The following TSGA10 variants were observed in gnomAD, a reference collection of about 807,000 sequenced individuals.
TSGA10 encodes testis-specific gene 10 protein.
A neutral mutation model predicts 96.6 loss-of-function variants in TSGA10; 43 were observed. The observed-to-expected ratio is 0.44, with a 90% CI of 0.35 to 0.57. The LOEUF is 0.57. TSGA10 is among the 20% of genes least tolerant of loss of function. The pLI is 0.01. For missense variants in TSGA10, 703 were observed against 834.4 expected (o/e 0.84, Z 1.94); for synonymous variants, 229 against 269.9 (o/e 0.85, Z 1.48).
chr2:99,043,864 G>A (rs1202638037), intron 16 of TSGA10, among the ~76,000 whole-genome samples: 1 of 152,126 alleles, frequency 6.6e-6, no homozygotes, highest in African/African-American at 2.4e-5. Context: ...GAAGAGAGTG[G>A]GAGCCAATAT....
At chr2:99,019,517 G>A (rs888005467) in intron 18 of TSGA10, among the ~76,000 whole-genome samples, 13 of 152,138 alleles carry the variant, frequency 8.5e-5, no homozygotes, top group African/African-American at 3.1e-4. Context: ...ACTGGCCCTG[G>A]CTCTGAAGCC....
chr2:99,040,919 A>T (rs532867545), intron 16 of TSGA10, among the ~76,000 whole-genome samples: 2 of 152,320 alleles, frequency 1.3e-5, no homozygotes, highest in African/African-American at 2.4e-5. Flanking sequence ...CCTATCAACT[A>T]TTAGTTCTTA....
chr2:99,081,233 T>C, intron 11 of TSGA10, 49 bp downstream of exon 11: 1 of 1,085,064 alleles, frequency 9.2e-7, no homozygotes, highest in Non-Finnish European at 1.3e-6. Flanking sequence ...ACATCTTTGC[T>C]ACCAAACTTA....
intron 4 of TSGA10, among the ~76,000 whole-genome samples, chr2:99,116,484 A>G (rs2104905709): frequency 6.6e-6 from 1 of 152,344 alleles, no homozygotes; most frequent in Non-Finnish European, 1.5e-5. Context: ...ATATCTGAGA[A>G]TTTAGTATCT....
rs193276350 is a variant in TSGA10 at position 99,111,839 on chromosome 2, T to A, written c.-139-924A>T. 7.4e-4 allele frequency among the ~76,000 whole-genome samples: 112 copies of A among 152,244 alleles called. 1 individual carries two copies. Among genetic ancestry groups the A allele is most frequent in the Non-Finnish European group, 1.3e-3 (87 of 67,966 alleles). Reference sequence around the variant, plus strand: ...AAGATACAGGTCTACTCTGAATGTGTTAAGATTTCCACATTAAGTATAAAA... The same window carrying A: ...AAGATACAGGTCTACTCTGAATGTGATAAGATTTCCACATTAAGTATAAAA... On this transcript the variant is annotated intron_variant, in intron 4 of 20. Coordinates refer to ENST00000393483, the MANE Select transcript of TSGA10 (RefSeq NM_025244.4).
intron 18 of TSGA10, among the ~76,000 whole-genome samples, chr2:99,019,776 T>A (rs185998248): frequency 6.6e-6 from 1 of 152,272 alleles, no homozygotes; most frequent in Admixed American, 6.5e-5. Context: ...TGTCTTTTAA[T>A]AAGGTGCTAG....
At position 99,105,511 on chromosome 2, in the gene TSGA10, T is replaced by C. The variant is rs766789054; in HGVS notation, c.381+16A>G. ...TGTGTTTCACATATATTCACGTAAA[T>C]AAAATCCTTTCCAACCTTTAGCCTC... On this transcript the variant is annotated intron_variant, in intron 8 of 20. Coordinates refer to ENST00000393483, the MANE Select transcript of TSGA10 (RefSeq NM_025244.4). The C allele has an allele frequency of 6.2e-7, 1 of 1,613,854 alleles. No individual in the cohort carries two copies. The highest frequency in any genetic ancestry group is 8.5e-7 in the Non-Finnish European group (1 of 1,179,808).
At chr2:99,091,735 T>C (rs1180355137) in intron 10 of TSGA10, among the ~76,000 whole-genome samples, 1 of 152,082 alleles carries the variant, frequency 6.6e-6, no homozygotes, top group African/African-American at 2.4e-5. Context: ...TAAAAGGCCT[T>C]GTCCAACAGG....
chr2:99,033,549 G>A (rs1434348851), intron 17 of TSGA10, among the ~76,000 whole-genome samples: 1 of 152,168 alleles, frequency 6.6e-6, no homozygotes, highest in East Asian at 1.9e-4. Flanking sequence ...TGTTCAAGTT[G>A]GCAGATAAAG....
chr2:99,055,149 T>C (rs983535919), intron 16 of TSGA10, among the ~76,000 whole-genome samples: 2 of 152,190 alleles, frequency 1.3e-5, no homozygotes, highest in Admixed American at 6.5e-5. Flanking sequence ...TTGTGGTATA[T>C]AGATATACAA....
intron 1 of TSGA10, among the ~76,000 whole-genome samples, chr2:99,153,622 A>AG (rs2093715965): frequency 6.6e-6 from 1 of 152,268 alleles, no homozygotes; most frequent in Admixed American, 6.5e-5. Flanking sequence ...TTTAGAAGGA[A>AG]GTAATATAAG....
chr2:98,998,214 A>T lies in TSGA10; in HGVS notation c.2080T>A (p.Cys694Ser). 1 of 1,599,878 alleles carries T rather than the reference A, an allele frequency of 6.3e-7. No homozygotes were observed. Among genetic ancestry groups the T allele is most frequent in the Non-Finnish European group, 8.5e-7 (1 of 1,174,870 alleles). ...GLDRSLEENLCYRDF is the reference protein window; with the variant it reads ...GLDRSLEENLSYRDF The stretch of plus-strand genomic sequence containing the variant: ...TTCAGGTGTCAGAAATCTCTGTAGC[A>T]AAGATTCCTATAAGAGAAAAAATCA... Residue 694 changes from cysteine to serine, a missense_variant, in exon 21 of 21, where the codon TGC becomes AGC. This residue lies in a region of TSGA10 where 69 missense variants were observed against 81.3 expected (regional missense o/e 0.85). Coordinates refer to ENST00000393483, the MANE Select transcript of TSGA10 (RefSeq NM_025244.4).
At chr2:99,068,809 C>T (rs1455243823) in intron 15 of TSGA10, 79 bp downstream of exon 15, 3 of 604,532 alleles carry the variant, frequency 5.0e-6, no homozygotes, top group East Asian at 6.2e-5. Flanking sequence ...ATTCACCTGT[C>T]GTTCTGAGTA....
intron 20 of TSGA10, among the ~76,000 whole-genome samples, chr2:99,002,404 GA>G (rs1268505731): frequency 6.6e-6 from 1 of 152,188 alleles, no homozygotes; most frequent in Non-Finnish European, 1.5e-5. Flanking sequence ...AAGTGAAGGA[GA>G]AATAAAATAC....
At chr2:99,146,960 A>G (rs2093638112) in intron 1 of TSGA10, 1 of 152,356 alleles carries the variant, frequency 6.6e-6, no homozygotes, top group African/African-American at 2.4e-5. Flanking sequence ...TTATGTCCAC[A>G]TAGTTAGCCA....
intron 20 of TSGA10, among the ~76,000 whole-genome samples, chr2:99,017,543 A>T (rs1474423023): frequency 1.3e-5 from 2 of 152,110 alleles, no homozygotes; most frequent in Non-Finnish European, 2.9e-5. Flanking sequence ...AGGCAGGCGG[A>T]TCACGAGGTC....
intron 2 of TSGA10, among the ~76,000 whole-genome samples, chr2:99,121,538 A>G (rs940184709): frequency 5.9e-5 from 9 of 152,148 alleles, no homozygotes; most frequent in Non-Finnish European, 8.8e-5. Flanking sequence ...CAGTGGTACA[A>G]TCTCAGTTCA....
At chr2:99,068,818 T>A (rs1372191917) in intron 15 of TSGA10, 70 bp downstream of exon 15, 1 of 700,214 alleles carries the variant, frequency 1.4e-6, no homozygotes, top group African/African-American at 1.9e-5. Context: ...TCGTTCTGAG[T>A]ATACCAACTT....
chr2:99,111,589 T>C (rs913938366), intron 4 of TSGA10, among the ~76,000 whole-genome samples: 1 of 152,178 alleles, frequency 6.6e-6, no homozygotes, highest in Non-Finnish European at 1.5e-5. Flanking sequence ...TCTGGAATTA[T>C]TGTACTTCAT....
Sources: allele counts gnomAD v4.1 joint callset (sites outside exome capture counted in the v4.1 genomes callset), GRCh38; gene constraint gnomAD v4.1.1; regional missense constraint gnomAD v4.1.1; transcripts MANE v1.5; gene names NCBI Gene and HGNC (gene_info 2026-07-23, HGNC 2026-07-21).